RERE: variants seen among roughly 807,000 people sequenced by gnomAD.
RERE encodes arginine-glutamic acid dipeptide repeats protein.
In RERE, 40 loss-of-function variants were observed where a neutral mutation model predicts 146.1. The ratio of observed to expected loss-of-function variants is 0.27; its 90% CI spans 0.21 to 0.36. The LOEUF (loss-of-function observed/expected upper bound fraction) is 0.36. RERE is among the 10% of genes least tolerant of loss of function. RERE has a pLI of 1.00. For synonymous variants in RERE, 1,003 were observed against 866.0 expected (o/e 1.16, Z -2.78); for missense variants, 1,933 against 2,138.7 (o/e 0.90, Z 1.90).
rs554459497 is a variant in RERE at position 8,686,225 on chromosome 1, C to T, written c.-144-29784G>A. ...CTTGAACTCCTGGGATCAAGCAATC[C>T]GCTCGTCTTGGCCTCTCACGGTGCT... On this transcript the variant is annotated intron_variant, in intron 1 of 22. Transcript: ENST00000400908. 3.9e-5 allele frequency among the ~76,000 whole-genome samples: 6 copies of T among 152,184 alleles called. No individual in the cohort carries two copies. In the South Asian group the frequency reaches 6.2e-4, roughly 16 times the overall value.
At chr1:8,540,022 G>T (rs1260770934) in intron 7 of RERE, among the ~76,000 whole-genome samples, 8 of 152,078 alleles carry the variant, frequency 5.3e-5, no homozygotes, top group African/African-American at 1.9e-4. Flanking sequence ...TACCCATTTT[G>T]CCTTTACACT....
intron 12 of RERE, among the ~76,000 whole-genome samples, chr1:8,392,217 C>T (rs534245731): frequency 2.2e-4 from 34 of 152,272 alleles, no homozygotes; most frequent in African/African-American, 8.2e-4. Flanking sequence ...AAGCCATGTA[C>T]ATGCTCAAGA....
intron 4 of RERE, among the ~76,000 whole-genome samples, chr1:8,600,410 G>GA: frequency 6.6e-6 from 1 of 152,196 alleles, no homozygotes; most frequent in Non-Finnish European, 1.5e-5. Context: ...AGATATCTTT[G>GA]TGCATTTCCA....
At chr1:8,599,409 T>A (rs1646594892) in intron 4 of RERE, among the ~76,000 whole-genome samples, 1 of 152,236 alleles carries the variant, frequency 6.6e-6, no homozygotes, top group Non-Finnish European at 1.5e-5. Flanking sequence ...ATATATTTGA[T>A]GTTTTTTGCT....
At chr1:8,699,648 G>A (rs547599648) in intron 1 of RERE, among the ~76,000 whole-genome samples, 1 of 152,130 alleles carries the variant, frequency 6.6e-6, no homozygotes, top group African/African-American at 2.4e-5. Flanking sequence ...ATTATTCCTT[G>A]GATTCAGCAG....
chr1:8,726,147 CTTTTTTT>C (rs70985511), intron 1 of RERE, among the ~76,000 whole-genome samples: 13 of 69,396 alleles, frequency 1.9e-4, no homozygotes, highest in East Asian at 9.5e-4. Flanking sequence ...TTTTTCTTTT[CTTTTTTT>C]TTTTTTTTTT....
At chr1:8,720,960 G>A (rs901675764) in intron 1 of RERE, among the ~76,000 whole-genome samples, 22 of 152,036 alleles carry the variant, frequency 1.4e-4, no homozygotes, top group Non-Finnish European at 2.6e-4. Context: ...GGAGGCTGAG[G>A]CAAGAGAACT....
At chr1:8,752,757 A>T (rs1225646656) in intron 1 of RERE, among the ~76,000 whole-genome samples, 1 of 152,198 alleles carries the variant, frequency 6.6e-6, no homozygotes, top group African/African-American at 2.4e-5. Context: ...TACCAGAGAC[A>T]GTTTGTGTTG....
At chr1:8,516,468 A>G (rs980463705) in intron 7 of RERE, among the ~76,000 whole-genome samples, 1 of 152,106 alleles carries the variant, frequency 6.6e-6, no homozygotes, top group African/African-American at 2.4e-5. Context: ...AGGCATTGCA[A>G]GGTAAGCAAT....
intron 1 of RERE, among the ~76,000 whole-genome samples, chr1:8,699,247 A>G (rs561123032): frequency 2.6e-5 from 4 of 152,222 alleles, no homozygotes; most frequent in African/African-American, 9.6e-5. Flanking sequence ...TTCTGGTATG[A>G]GAAAACAGTC....
intron 9 of RERE, among the ~76,000 whole-genome samples, chr1:8,495,993 T>G (rs916224305): frequency 6.6e-6 from 1 of 150,974 alleles, no homozygotes; most frequent in African/African-American, 2.4e-5. Context: ...CCTGACAACA[T>G]AGAGAGAGAA....
chr1:8,763,723 G>A (rs186446533), intron 1 of RERE, among the ~76,000 whole-genome samples: 2 of 152,104 alleles, frequency 1.3e-5, no homozygotes, highest in Admixed American at 1.3e-4. Context: ...GGCGGATCAC[G>A]AGGTCAGGAG....
At chr1:8,558,687 C>T (rs1424271881) in intron 4 of RERE, among the ~76,000 whole-genome samples, 2 of 152,000 alleles carry the variant, frequency 1.3e-5, no homozygotes, top group African/African-American at 4.8e-5. Context: ...TCCAAAAAAC[C>T]TTTGCTAAAA....
chr1:8,660,086 A>ATC (rs1638420043), intron 1 of RERE, among the ~76,000 whole-genome samples: 1 of 151,972 alleles, frequency 6.6e-6, no homozygotes, highest in African/African-American at 2.4e-5. Context: ...TTAATACCAT[A>ATC]TCATTTATAT....
intron 12 of RERE, among the ~76,000 whole-genome samples, chr1:8,384,049 T>C (rs1642551271): frequency 6.6e-6 from 1 of 152,182 alleles, no homozygotes; most frequent in South Asian, 2.1e-4. Flanking sequence ...AAAGACTCTT[T>C]AGAATTAAGC....
intron 1 of RERE, among the ~76,000 whole-genome samples, chr1:8,800,006 G>T (rs1279162417): frequency 2.6e-5 from 4 of 152,100 alleles, no homozygotes; most frequent in Middle Eastern, 3.4e-3. Context: ...TAAAGATGAG[G>T]TTTCACCATG....
At chr1:8,730,874 T>C (rs749093774) in intron 1 of RERE, among the ~76,000 whole-genome samples, 8 of 152,156 alleles carry the variant, frequency 5.3e-5, no homozygotes, top group Non-Finnish European at 7.3e-5. Context: ...CTGGAGGGAT[T>C]TGTTAAAGCA....
At chr1:8,516,629 T>A (rs1645423736) in intron 7 of RERE, among the ~76,000 whole-genome samples, 1 of 152,172 alleles carries the variant, frequency 6.6e-6, no homozygotes, top group Non-Finnish European at 1.5e-5. Context: ...GGAATCCTAC[T>A]CAAGGTCAGC....
rs539061918 is a variant in RERE, at chr1:8,795,575, A to G, written c.-145+21585T>C. On this transcript the variant is annotated intron_variant, in intron 1 of 22. Coordinates refer to ENST00000400908, the MANE Select transcript of RERE (RefSeq NM_001042681.2). Reference sequence around the variant, plus strand: ...GCACATAATCATACTTCAAGCCCATAGTTCAGGTGGAAATGGACTCTAGGT... The same window carrying G: ...GCACATAATCATACTTCAAGCCCATGGTTCAGGTGGAAATGGACTCTAGGT... 4.2e-4 allele frequency among the ~76,000 whole-genome samples: 64 copies of G among 152,288 alleles called. No individual in the cohort carries two copies. The South Asian group carries it at 7.0e-3, about 17-fold the overall frequency.
Sources: gnomAD v4.1 joint callset for allele counts (sites outside exome capture counted in the v4.1 genomes callset) on GRCh38, gnomAD v4.1.1 for gene constraint, MANE v1.5 for transcripts, NCBI Gene and HGNC (gene_info 2026-07-23, HGNC 2026-07-21) for gene names.